The following CTNNA3 variants were observed in gnomAD, a reference collection of about 807,000 sequenced individuals.
CTNNA3 encodes catenin alpha-3.
CTNNA3 carries 76 observed loss-of-function variants against 95.7 expected under a neutral mutation model. The ratio of observed to expected loss-of-function variants is 0.79; its 90% confidence interval spans 0.66 to 0.96. The LOEUF (loss-of-function observed/expected upper bound fraction) is 0.96. CTNNA3 is among the 40% of genes least tolerant of loss of function. The pLI is 0.00. For missense variants in CTNNA3, 1,191 were observed against 1,089.8 expected (o/e 1.09, Z -1.31); for synonymous variants, 431 against 374.4 (o/e 1.15, Z -1.74).
chr10:66,344,062 A>C (rs2092479316), intron 12 of CTNNA3, among the ~76,000 whole-genome samples: 1 of 151,150 alleles, frequency 6.6e-6, no homozygotes, highest in Non-Finnish European at 1.5e-5. Context: ...CCCTGTCTCT[A>C]CTAAAAATAC....
In CTNNA3 at chr10:67,539,651, G is replaced by C; in HGVS notation, c.311C>G (p.Ser104Ter). ...GGGGTCATCTGTAAATCTCTCAGCT[G>C]ATACTTTCAGAGCTTCACCTGAAAA... ...VRKESEALKV[S>*]AERFTDDPCF... Residue 104 changes from serine to a stop codon, truncating the protein, a stop_gained, in exon 4 of 18, where the codon TCA becomes TGA. Coordinates refer to ENST00000433211, the MANE Select transcript of CTNNA3 (RefSeq NM_013266.4). LOFTEE classifies it high-confidence loss of function. 6.2e-7 allele frequency: 1 copy of C among 1,613,410 alleles called. No individual in the cohort carries two copies. Among genetic ancestry groups the C allele is most frequent in the Non-Finnish European group, 8.5e-7 (1 of 1,179,566 alleles).
intron 12 of CTNNA3, among the ~76,000 whole-genome samples, chr10:66,354,314 T>A (rs1455796921): frequency 6.8e-6 from 1 of 146,550 alleles, no homozygotes. Flanking sequence ...CTATGAACAC[T>A]AAAAAAAAAA....
At chr10:66,428,874 G>C (rs1237613141) in intron 11 of CTNNA3, among the ~76,000 whole-genome samples, 3 of 152,034 alleles carry the variant, frequency 2.0e-5, no homozygotes, top group East Asian at 1.9e-4. Flanking sequence ...ACATTCAAAA[G>C]CTAGCAGAAG....
At chr10:66,887,797 G>A (rs569625239) in intron 7 of CTNNA3, among the ~76,000 whole-genome samples, 1 of 152,242 alleles carries the variant, frequency 6.6e-6, no homozygotes, top group African/African-American at 2.4e-5. Flanking sequence ...GATCCTAGGA[G>A]GAAGGCCCAG....
chr10:67,563,177 G>A (rs1035358902), intron 3 of CTNNA3, among the ~76,000 whole-genome samples: 224 of 152,158 alleles, frequency 1.5e-3, no homozygotes, highest in Middle Eastern at 3.4e-3. Context: ...AGCCCGCATC[G>A]CCAAGACAAT....
chr10:66,570,925 CA>C (rs546908089), intron 10 of CTNNA3, among the ~76,000 whole-genome samples: 1 of 151,962 alleles, frequency 6.6e-6, no homozygotes, highest in Non-Finnish European at 1.5e-5. Context: ...AAGGAGCTCT[CA>C]AAAAAATGTC....
intron 13 of CTNNA3, among the ~76,000 whole-genome samples, chr10:66,276,505 G>A (rs1182168321): frequency 6.6e-6 from 1 of 152,010 alleles, no homozygotes; most frequent in Non-Finnish European, 1.5e-5. Context: ...TATGTTTTAA[G>A]GGGTCTATAA....
chr10:66,451,733 T>C (rs900309817), intron 11 of CTNNA3, among the ~76,000 whole-genome samples: 9 of 152,136 alleles, frequency 5.9e-5, no homozygotes, highest in Admixed American at 1.3e-4. Context: ...GATTATCCAT[T>C]TTTATAAGAA....
In CTNNA3 at chr10:67,036,884, GA is replaced by G. The variant is rs887552232; in HGVS notation, c.1047+143432del. ...ATATAAAACATTGGATAAAAATTGT[GA>G]AAAAAAATAATAATGCATAAAAGAG... is the stretch of plus-strand genomic sequence containing the variant. On this transcript the variant is annotated intron_variant, in intron 7 of 17. Coordinates refer to ENST00000433211, the MANE Select transcript of CTNNA3 (RefSeq NM_013266.4). Among the ~76,000 whole-genome samples the G allele has an allele frequency of 7.3e-5, 11 of 151,558 alleles. No individual in the cohort carries two copies. In the South Asian group the frequency reaches 8.3e-4, roughly 11 times the overall value.
intron 7 of CTNNA3, among the ~76,000 whole-genome samples, chr10:66,924,572 G>T (rs1248247141): frequency 6.6e-6 from 1 of 152,114 alleles, no homozygotes. Context: ...ATCAAAGAAG[G>T]CAAGACTGAG....
intron 3 of CTNNA3, among the ~76,000 whole-genome samples, chr10:67,549,342 C>T (rs779031375): frequency 2.0e-5 from 3 of 152,036 alleles, no homozygotes; most frequent in Non-Finnish European, 2.9e-5. Context: ...TAGAGGGTGT[C>T]GATCTTGTTC....
chr10:66,818,961 G>A (rs557146627), intron 7 of CTNNA3, among the ~76,000 whole-genome samples: 10 of 151,980 alleles, frequency 6.6e-5, no homozygotes, highest in South Asian at 2.1e-4. Flanking sequence ...ATGGTAGTGC[G>A]TGCCTGTAAT....
chr10:66,428,610 T>C (rs75382835), intron 11 of CTNNA3, among the ~76,000 whole-genome samples: 57,786 of 151,584 alleles, frequency 0.38, 11,545 homozygotes, highest in African/African-American at 0.5. Flanking sequence ...CACTCAAAAC[T>C]GCTCAACTAC....
chr10:67,040,059 CTCTT>C (rs1262014451), intron 7 of CTNNA3, among the ~76,000 whole-genome samples: 1 of 152,088 alleles, frequency 6.6e-6, no homozygotes, highest in Non-Finnish European at 1.5e-5. Flanking sequence ...ATTCATCTCT[CTCTT>C]TTTTTTGGTA....
intron 5 of CTNNA3, among the ~76,000 whole-genome samples, chr10:67,388,714 G>A (rs987281463): frequency 2.2e-4 from 33 of 151,942 alleles, no homozygotes; most frequent in Admixed American, 7.9e-4. Context: ...CGGATCTCTC[G>A]GCAGAAACCC....
intron 6 of CTNNA3, among the ~76,000 whole-genome samples, chr10:67,194,003 T>A (rs10822999): frequency 0.37 from 55,563 of 151,860 alleles, 14,569 homozygotes; most frequent in African/African-American, 0.75. Context: ...AATACTAGCC[T>A]TTCTGACTGG....
At chr10:65,922,690 T>C (rs761951651) in intron 17 of CTNNA3, among the ~76,000 whole-genome samples, 4 of 152,174 alleles carry the variant, frequency 2.6e-5, no homozygotes, top group Non-Finnish European at 5.9e-5. Context: ...TTTGTTTGCT[T>C]GGTTTTGCAA....
Position 67,550,971 on chromosome 10 carries a change from A to G in CTNNA3, c.293-11302T>C, listed in dbSNP as rs935438872. ...TGCTATTGACAGGGAAAGGAGGCAG[A>G]GAAGAGCTGGGTAGAGGAGGGTGTG... On this transcript the variant is annotated intron_variant, in intron 3 of 17. Transcript: ENST00000433211. 2.6e-5 allele frequency among the ~76,000 whole-genome samples: 4 copies of G among 152,148 alleles called. No homozygotes were observed. In the East Asian group the frequency reaches 5.8e-4, roughly 22 times the overall value.
intron 9 of CTNNA3, among the ~76,000 whole-genome samples, chr10:66,677,480 T>A (rs10740249): frequency 6.6e-6 from 1 of 151,950 alleles, no homozygotes; most frequent in Non-Finnish European, 1.5e-5. Context: ...ATGGCTGTGT[T>A]CCCACCCAAA....
Sources: allele counts gnomAD v4.1 joint callset (sites outside exome capture counted in the v4.1 genomes callset), GRCh38; gene constraint gnomAD v4.1.1; transcripts MANE v1.5; gene names NCBI Gene and HGNC (gene_info 2026-07-23, HGNC 2026-07-21).